Variants in FAM168A observed in about 807,000 individuals in gnomAD.
The protein encoded by FAM168A is family with sequence similarity 168 member A, also known as protein FAM168A.
In FAM168A, 3 loss-of-function variants were observed where a neutral mutation model predicts 28.5. The observed-to-expected ratio is 0.11, with a 90% CI of 0.05 to 0.27. The LOEUF (loss-of-function observed/expected upper bound fraction) is 0.27, where lower values mean the gene tolerates loss of function less well. Among genes scored for constraint, FAM168A ranks in the 10% least tolerant of loss-of-function variants. FAM168A has a pLI of 1.00. For synonymous variants in FAM168A, 122 were observed against 124.2 expected, an observed-to-expected ratio of 0.98 and a Z score of 0.12; for missense variants, 222 against 311.5, an observed-to-expected ratio of 0.71 and a Z score of 2.16.
At chr11:73,559,129 C>T (rs1407908389) in intron 1 of FAM168A, among the ~76,000 whole-genome samples, 9 of 152,068 alleles carry the variant, frequency 5.9e-5, no homozygotes, top group East Asian at 1.9e-4. Flanking sequence ...AAGTACTAGC[C>T]GGGCGTGTTG....
At chr11:73,530,006 C>G (rs1002518302) in intron 1 of FAM168A, among the ~76,000 whole-genome samples, 1 of 151,922 alleles carries the variant, frequency 6.6e-6, no homozygotes, top group Non-Finnish European at 1.5e-5. Flanking sequence ...AGGCTGGTAT[C>G]GAATTCCTGA....
intron 1 of FAM168A, among the ~76,000 whole-genome samples, chr11:73,511,744 T>C (rs1238686205): frequency 6.6e-6 from 1 of 152,186 alleles, no homozygotes; most frequent in African/African-American, 2.4e-5. Context: ...GTGCAAGCTA[T>C]TTAACATCTC....
At chr11:73,432,007 T>C (rs1010716110) in intron 2 of FAM168A, among the ~76,000 whole-genome samples, 2 of 152,256 alleles carry the variant, frequency 1.3e-5, no homozygotes, top group Non-Finnish European at 2.9e-5. Context: ...AATTATTTTA[T>C]GTAAGTGGAA....
At chr11:73,477,962 T>TAGATAGAC (rs1555025457) in intron 1 of FAM168A, among the ~76,000 whole-genome samples, 4,737 of 145,526 alleles carry the variant, frequency 0.033, 253 homozygotes, top group African/African-American at 0.1. Flanking sequence ...GATAGATAGA[T>TAGATAGAC]AGATAGATAA....
chr11:73,493,519 C>A (rs1348018172), intron 1 of FAM168A, among the ~76,000 whole-genome samples: 4 of 152,118 alleles, frequency 2.6e-5, no homozygotes, highest in Non-Finnish European at 4.4e-5. Flanking sequence ...CTCAAGTGAT[C>A]CTCCCAAGGC....
chr11:73,440,177 C>T (rs369487437), intron 2 of FAM168A, among the ~76,000 whole-genome samples: 12 of 152,184 alleles, frequency 7.9e-5, no homozygotes, highest in African/African-American at 1.9e-4. Context: ...TGAGCCACTG[C>T]GCCTGGCCCA....
At chr11:73,563,202 T>C (rs1023047790) in intron 1 of FAM168A, among the ~76,000 whole-genome samples, 2 of 152,200 alleles carry the variant, frequency 1.3e-5, no homozygotes, top group Admixed American at 6.5e-5. Context: ...AAGGCAGACA[T>C]CTCAAACATT....
intron 1 of FAM168A, among the ~76,000 whole-genome samples, chr11:73,542,873 G>A (rs1943674583): frequency 6.6e-6 from 1 of 152,110 alleles, no homozygotes; most frequent in Non-Finnish European, 1.5e-5. Context: ...TGCAAGCCTT[G>A]GATCGCTTAA....
At chr11:73,445,537 A>T (rs1867296924) in intron 2 of FAM168A, among the ~76,000 whole-genome samples, 1 of 137,652 alleles carries the variant, frequency 7.3e-6, no homozygotes, top group Non-Finnish European at 1.5e-5. Context: ...AAGTGCTGGG[A>T]TTACAGGAAT....
intron 6 of FAM168A, among the ~76,000 whole-genome samples, 178 bp from the exon 7 acceptor site, chr11:73,407,821 G>A (rs544385486): frequency 2.4e-4 from 36 of 152,256 alleles, no homozygotes; most frequent in Admixed American, 1.8e-3. Context: ...ACCTCCTTAG[G>A]GGAATTTTTT....
rs1382781392 is a variant in FAM168A, at chr11:73,559,736, G to A, written c.-19+38187C>T. ...ATGGTTGTTGCACAACACTGGGAGT[G>A]TATTAAATGCCACTAAATTGTTCAC... is the stretch of plus-strand genomic sequence containing the variant. On this transcript the variant is annotated intron_variant, in intron 1 of 7. Transcript: ENST00000356467. 1.8e-4 allele frequency among the ~76,000 whole-genome samples: 28 copies of A among 152,304 alleles called. 1 individual carries two copies. Among genetic ancestry groups the A allele is most frequent in the Admixed American group, 1.7e-3 (26 of 15,300 alleles).
chr11:73,411,924 T>G (rs533537710), intron 4 of FAM168A, among the ~76,000 whole-genome samples: 2 of 152,302 alleles, frequency 1.3e-5, no homozygotes, highest in East Asian at 3.9e-4. Context: ...CTACTCTACT[T>G]GCTTTTCTGT....
rs186419289 is a variant in FAM168A, at chr11:73,478,677, A to G, written c.-18-10185T>C. 1.0e-3 allele frequency among the ~76,000 whole-genome samples: 159 copies of G among 152,336 alleles called. 1 individual carries two copies. The highest frequency in any genetic ancestry group is 3.7e-3 in the African/African-American group (153 of 41,580). On this transcript the variant is annotated intron_variant, in intron 1 of 7. Transcript: ENST00000356467. Reference sequence around the variant, plus strand: ...TAGTTACAAATTTTTAATAAGCTAAAAGAGATTAAGTCATTTACTTCAGCA... The same window carrying G: ...TAGTTACAAATTTTTAATAAGCTAAGAGAGATTAAGTCATTTACTTCAGCA...
chr11:73,436,689 G>T (rs1216677180), intron 2 of FAM168A, among the ~76,000 whole-genome samples: 3 of 152,102 alleles, frequency 2.0e-5, no homozygotes, highest in Admixed American at 1.3e-4. Context: ...TTAGAGAGAG[G>T]ATATTAAGAC....
chr11:73,459,993 G>C (rs1337076866), intron 2 of FAM168A, among the ~76,000 whole-genome samples: 2 of 145,650 alleles, frequency 1.4e-5, no homozygotes, highest in African/African-American at 5.2e-5. Context: ...CCATTCTCCT[G>C]CCTCACCCTC....
At chr11:73,422,235 C>A (rs766784717) in intron 3 of FAM168A, among the ~76,000 whole-genome samples, 2 of 152,246 alleles carry the variant, frequency 1.3e-5, no homozygotes, top group Non-Finnish European at 2.9e-5. Flanking sequence ...GAAGCAAGTG[C>A]GACTGTGCCT....
intron 1 of FAM168A, among the ~76,000 whole-genome samples, chr11:73,526,966 T>C (rs1413575626): frequency 1.3e-5 from 2 of 150,594 alleles, no homozygotes; most frequent in Non-Finnish European, 2.9e-5. Context: ...AAAGACTAAG[T>C]AGATCACAGG....
intron 1 of FAM168A, among the ~76,000 whole-genome samples, chr11:73,529,441 T>C (rs972187480): frequency 1.3e-5 from 2 of 152,214 alleles, no homozygotes; most frequent in African/African-American, 4.8e-5. Context: ...ACAGATAATG[T>C]TTGTCTCTTT....
intron 1 of FAM168A, among the ~76,000 whole-genome samples, chr11:73,486,957 A>G (rs539973599): frequency 1.3e-5 from 2 of 152,334 alleles, no homozygotes; most frequent in African/African-American, 4.8e-5. Flanking sequence ...GTATGTTTTC[A>G]GTATTAATAA....
Sources: gnomAD v4.1 joint callset for allele counts (sites outside exome capture counted in the v4.1 genomes callset) on GRCh38, gnomAD v4.1.1 for gene constraint, MANE v1.5 for transcripts, NCBI Gene and HGNC (gene_info 2026-07-23, HGNC 2026-07-21) for gene names.